The following SGCZ variants were observed in gnomAD, a reference collection of about 807,000 sequenced individuals.
SGCZ encodes the protein zeta-sarcoglycan.
In SGCZ, 40 loss-of-function variants were observed where a neutral mutation model predicts 41.3. That is an observed-to-expected ratio of 0.97 (90% CI 0.75 to 1.26). SGCZ has a LOEUF of 1.26. Among genes scored for constraint, SGCZ ranks in the 50% most tolerant of loss-of-function variants. The pLI is 0.00. For synonymous variants in SGCZ, 206 were observed against 137.5 expected (o/e 1.50, Z -3.49); for missense variants, 552 against 369.8 (o/e 1.49, Z -4.04).
At chr8:14,408,188 A>G (rs7823565) in intron 2 of SGCZ, among the ~76,000 whole-genome samples, 20,484 of 152,106 alleles carry the variant, frequency 0.13, 3,019 homozygotes, top group African/African-American at 0.37. Flanking sequence ...AAAGAAGGAA[A>G]CTGTTAAAAG....
At chr8:14,177,787 G>A (rs911676386) in intron 4 of SGCZ, among the ~76,000 whole-genome samples, 1 of 149,306 alleles carries the variant, frequency 6.7e-6, no homozygotes, top group Non-Finnish European at 1.5e-5. Context: ...GCCTCCCAAA[G>A]TGCTGGGATT....
chr8:14,662,611 T>C (rs1807790253), intron 1 of SGCZ, among the ~76,000 whole-genome samples: 1 of 152,180 alleles, frequency 6.6e-6, no homozygotes, highest in African/African-American at 2.4e-5. Context: ...TTAGGCTAAA[T>C]AATGGTCCTC....
At chr8:15,000,428 T>C (rs1049435869) in intron 1 of SGCZ, among the ~76,000 whole-genome samples, 1 of 152,182 alleles carries the variant, frequency 6.6e-6, no homozygotes, top group Non-Finnish European at 1.5e-5. Flanking sequence ...ATGCGAGTCC[T>C]ACATAAGGCC....
intron 4 of SGCZ, among the ~76,000 whole-genome samples, chr8:14,190,918 T>A (rs1805081943): frequency 6.6e-6 from 1 of 152,118 alleles, no homozygotes; most frequent in South Asian, 2.1e-4. Context: ...TTTAAGAATA[T>A]CCTTACTTGT....
At chr8:14,435,987 G>C (rs1038676680) in intron 2 of SGCZ, among the ~76,000 whole-genome samples, 1 of 152,158 alleles carries the variant, frequency 6.6e-6, no homozygotes, top group Non-Finnish European at 1.5e-5. Context: ...GGACCAGCTA[G>C]GTATGGGGAA....
chr8:14,761,668 G>A (rs987559599), intron 1 of SGCZ, among the ~76,000 whole-genome samples: 2 of 151,542 alleles, frequency 1.3e-5, no homozygotes, highest in Admixed American at 6.6e-5. Flanking sequence ...TGGGATTACC[G>A]GTATGCGCCG....
At chr8:14,232,972 G>C (rs7829224) in intron 4 of SGCZ, among the ~76,000 whole-genome samples, 1 of 151,918 alleles carries the variant, frequency 6.6e-6, no homozygotes, top group African/African-American at 2.4e-5. Flanking sequence ...TATAGATGTG[G>C]GATTGTGGAA....
intron 1 of SGCZ, among the ~76,000 whole-genome samples, chr8:14,707,338 G>T (rs552377029): frequency 1.3e-4 from 19 of 151,964 alleles, no homozygotes; most frequent in African/African-American, 4.6e-4. Context: ...CATGTATTCA[G>T]CCATTAGAAA....
chr8:14,200,524 T>C (rs545831122), intron 4 of SGCZ, among the ~76,000 whole-genome samples: 4 of 152,106 alleles, frequency 2.6e-5, no homozygotes, highest in African/African-American at 9.7e-5. Flanking sequence ...TAGGATAAGG[T>C]AGAGAGCCCA....
At chr8:14,666,167 C>A (rs1311528848) in intron 1 of SGCZ, among the ~76,000 whole-genome samples, 1 of 152,136 alleles carries the variant, frequency 6.6e-6, no homozygotes, top group Non-Finnish European at 1.5e-5. Context: ...TTCAAATGTC[C>A]TAACAAATAC....
Position 14,819,106 on chromosome 8 carries a change from C to A in SGCZ, c.40-264180G>T, listed in dbSNP as rs1801991927. 2.0e-5 allele frequency among the ~76,000 whole-genome samples: 3 copies of A among 149,498 alleles called. 1 individual carries two copies. In the South Asian group the frequency reaches 6.3e-4, roughly 32 times the overall value. ...CCTTCCAAGGCACATTATAATCAAA[C>A]TCTCAAAAGTAAAAGACAGAATTCT... On this transcript the variant is annotated intron_variant, in intron 1 of 7. Transcript: ENST00000382080.
At chr8:14,622,006 T>C (rs1482992485) in intron 1 of SGCZ, among the ~76,000 whole-genome samples, 2 of 152,094 alleles carry the variant, frequency 1.3e-5, no homozygotes, top group African/African-American at 4.8e-5. Context: ...GCTCTACAGA[T>C]ACAAATTTTA....
At chr8:14,199,457 G>A (rs919884325) in intron 4 of SGCZ, among the ~76,000 whole-genome samples, 4 of 152,014 alleles carry the variant, frequency 2.6e-5, no homozygotes, top group South Asian at 2.1e-4. Context: ...CTGTGATCTC[G>A]CCCTGCCTCC....
At chr8:14,345,571 G>C (rs1355316512) in intron 2 of SGCZ, among the ~76,000 whole-genome samples, 1 of 152,010 alleles carries the variant, frequency 6.6e-6, no homozygotes, top group Non-Finnish European at 1.5e-5. Context: ...ATCTCCATTG[G>C]GTTTAGAAGC....
At chr8:14,276,435 C>A (rs547527179) in intron 3 of SGCZ, among the ~76,000 whole-genome samples, 2 of 152,204 alleles carry the variant, frequency 1.3e-5, no homozygotes, top group East Asian at 3.9e-4. Context: ...AATTTATGTC[C>A]CGTGCCATGT....
At chr8:14,798,016 G>T (rs936618782) in intron 1 of SGCZ, among the ~76,000 whole-genome samples, 2 of 152,230 alleles carry the variant, frequency 1.3e-5, no homozygotes, top group African/African-American at 2.4e-5. Flanking sequence ...TTGCTGCAGG[G>T]GCGGGGCCCT....
At chr8:14,496,101 T>G (rs1048356840) in intron 2 of SGCZ, among the ~76,000 whole-genome samples, 8 of 152,116 alleles carry the variant, frequency 5.3e-5, no homozygotes, top group African/African-American at 4.8e-5. Flanking sequence ...GCTCTCATTC[T>G]GTCACCCAGG....
intron 2 of SGCZ, among the ~76,000 whole-genome samples, chr8:14,500,410 A>G (rs1339381691): frequency 6.7e-6 from 1 of 149,354 alleles, no homozygotes; most frequent in African/African-American, 2.4e-5. Context: ...GCTTTTTCAC[A>G]AATCTAAACA....
intron 5 of SGCZ, among the ~76,000 whole-genome samples, chr8:14,143,152 A>C (rs1273827828): frequency 6.6e-6 from 1 of 152,170 alleles, no homozygotes. Context: ...ACTAGAAATA[A>C]AGGAGACCTT....
Sources: allele counts gnomAD v4.1 joint callset (sites outside exome capture counted in the v4.1 genomes callset), GRCh38; gene constraint gnomAD v4.1.1; transcripts MANE v1.5; gene names NCBI Gene and HGNC (gene_info 2026-07-23, HGNC 2026-07-21).